Variants in PIGS observed in about 807,000 individuals in gnomAD.
The protein encoded by PIGS is GPI-anchor transamidase component PIGS.
A neutral mutation model predicts 58.2 loss-of-function variants in PIGS; 37 were observed. The observed-to-expected ratio is 0.64, with a 90% CI of 0.49 to 0.84. The LOEUF is 0.84. PIGS is among the 40% of genes least tolerant of loss of function. The pLI is 0.00. For synonymous variants in PIGS, 269 were observed against 289.2 expected (o/e 0.93, Z 0.71); for missense variants, 629 against 710.8 (o/e 0.88, Z 1.31).
chr17:28,555,045 C>T lies in PIGS; in HGVS notation c.1198G>A (p.Ala400Thr). Residue 400 changes from alanine (A) to threonine (T), a missense_variant, in exon 11 of 12, where the codon GCT becomes ACT. Transcript: ENST00000308360. ...LAQLRLLFGI[A>T]QPQLPPKCLL... ...CATTTTGGAGGCAGCTGGGGCTGAG[C>T]AATCCCAAAGAGCAACCTGTAGGAA... is the stretch of plus-strand genomic sequence containing the variant. 6.2e-7 allele frequency: 1 copy of T among 1,612,580 alleles called. No individual in the cohort carries two copies. Among genetic ancestry groups the T allele is most frequent in the South Asian group, 1.1e-5 (1 of 90,864 alleles).
chr17:28,562,760 G>A (rs1430008748), intron 5 of PIGS, among the ~76,000 whole-genome samples: 1 of 151,682 alleles, frequency 6.6e-6, no homozygotes, highest in Non-Finnish European at 1.5e-5. Flanking sequence ...GTAGAGATGG[G>A]GAGTGCAATG....
intron 3 of PIGS, among the ~76,000 whole-genome samples, chr17:28,567,091 T>C (rs1290608851): frequency 6.6e-6 from 1 of 152,202 alleles, no homozygotes; most frequent in Non-Finnish European, 1.5e-5. Flanking sequence ...CATGATCAAA[T>C]AGATGCTAAA....
At chr17:28,557,368 A>C in intron 8 of PIGS, 2 of 203,088 alleles carry the variant, frequency 9.8e-6, no homozygotes, top group South Asian at 1.5e-4. Flanking sequence ...TAAAGTTCAA[A>C]CTCCTTAACA....
rs767184987 is a variant in PIGS, at chr17:28,571,160, G to A, written c.63C>T (p.Leu21=). The change falls in exon 2 of 12, where the codon CTC becomes CTT. Residue 21 remains leucine, a synonymous_variant. Transcript: ENST00000308360. The part of the protein sequence containing the change: ...LEVARGKRAA[L]FFAAVAIVLG... The stretch of plus-strand genomic sequence containing the variant: ...GCACGATGGCCACCGCAGCGAAGAA[G>A]AGGGCGGCGCGCTTGCCCCGGGCCA... 3 of 1,613,452 alleles carry A rather than the reference G, an allele frequency of 1.9e-6. No individual in the cohort carries two copies. In the African/African-American group the frequency reaches 4.0e-5, roughly 22 times the overall value.
At chr17:28,570,793 C>T (rs2070422226) in intron 3 of PIGS, 59 bp downstream of exon 3, 1 of 1,550,808 alleles carries the variant, frequency 6.4e-7, no homozygotes, top group Non-Finnish European at 8.9e-7. Flanking sequence ...TCCTCCCACC[C>T]AACTCAGCTC....
At chr17:28,557,417 T>C (rs2151512017) in intron 8 of PIGS, 1 of 180,842 alleles carries the variant, frequency 5.5e-6, no homozygotes, top group South Asian at 1.2e-4. Flanking sequence ...CCTAACCGGC[T>C]TCATCTTTGG....
intron 3 of PIGS, among the ~76,000 whole-genome samples, chr17:28,564,170 T>A (rs1300722973): frequency 6.6e-6 from 1 of 152,240 alleles, no homozygotes; most frequent in Non-Finnish European, 1.5e-5. Flanking sequence ...CTGGGAAATC[T>A]ATTTCAATAG....
chr17:28,556,463 G>A (rs979397556), intron 9 of PIGS, 197 bp from the exon 10 acceptor site: 2 of 709,950 alleles, frequency 2.8e-6, no homozygotes, highest in Non-Finnish European at 2.6e-6. Context: ...TGAAAGTCCT[G>A]TAGAACATAT....
At chr17:28,560,220 AGGCTCTTGT>A in intron 6 of PIGS, 29 bp from the exon 7 acceptor site, 2 of 1,604,516 alleles carry the variant, frequency 1.2e-6, no homozygotes, top group Non-Finnish European at 1.7e-6. Flanking sequence ...GGGAAGTCAG[AGGCTCTTGT>A]GGATCAAAGA....
At chr17:28,563,371 G>T in intron 5 of PIGS, 60 bp downstream of exon 5, 2 of 1,341,800 alleles carry the variant, frequency 1.5e-6, no homozygotes, top group South Asian at 1.2e-5. Flanking sequence ...AGAAGGAGGT[G>T]ACCCAGGAGT....
rs565538383 is a variant in PIGS at position 28,558,097 on chromosome 17, G to A, written c.934+379C>T. 1.5e-4 allele frequency among the ~76,000 whole-genome samples: 23 copies of A among 152,278 alleles called. No individual in the cohort carries two copies. In the South Asian group the frequency reaches 4.8e-3, roughly 32 times the overall value. ...CTGGGGTGGGAAGATCACTTGAGGG[G>A]AGTTCAAGACCAGCATGGGCAACAT... is the stretch of plus-strand genomic sequence containing the variant. On this transcript the variant is annotated intron_variant, in intron 8 of 11. Transcript: ENST00000308360.
intron 7 of PIGS, among the ~76,000 whole-genome samples, chr17:28,559,265 G>A (rs993073548): frequency 2.6e-5 from 4 of 151,818 alleles, no homozygotes; most frequent in Non-Finnish European, 4.4e-5. Context: ...GTGAGCCGCC[G>A]CACCTGGCCC....
rs749803843 is a variant in PIGS, at chr17:28,554,450, C to A, written c.1438G>T (p.Ala480Ser). ...AAVQKSAEEL[A>S]SGHLASAFVA... ...AAGGCAGATGCCAGGTGCCCAGACG[C>A]CAACTCTTCTGCCGACTTCTGGACG... The change falls in exon 12 of 12, where the codon GCG becomes TCG. Residue 480 changes from alanine to serine, a missense_variant. Transcript: ENST00000308360. 16 of 1,614,136 alleles carry A rather than the reference C, an allele frequency of 9.9e-6. No homozygotes were observed. Among genetic ancestry groups the A allele is most frequent in the Non-Finnish European group, 1.4e-5 (16 of 1,180,040 alleles).
chr17:28,561,450 C>G lies in PIGS; in HGVS notation c.648G>C (p.Glu216Asp). ...DHLPEDKWSA[E>D]KRRPLKSSLG... ...AGCTGGACTTGAGAGGCCGCCTCTTCTCAGCGCTCCACTTGTCCTCTGGAA... is the reference window on the plus strand; with the variant it reads ...AGCTGGACTTGAGAGGCCGCCTCTTGTCAGCGCTCCACTTGTCCTCTGGAA... The change falls in exon 6 of 12, where the codon GAG becomes GAC. Residue 216 changes from glutamate (E) to aspartate (D), a missense_variant. Transcript: ENST00000308360. The G allele has an allele frequency of 6.2e-7, 1 of 1,614,020 alleles. No homozygotes were observed. Among genetic ancestry groups the G allele is most frequent in the South Asian group, 1.1e-5 (1 of 91,072 alleles).
intron 3 of PIGS, among the ~76,000 whole-genome samples, chr17:28,569,263 C>T (rs936728717): frequency 6.6e-6 from 1 of 151,536 alleles, no homozygotes; most frequent in South Asian, 2.1e-4. Flanking sequence ...CCCAGGAGCT[C>T]GAGACCAGCC....
chr17:28,560,297 T>C, intron 6 of PIGS, 106 bp from the exon 7 acceptor site: 2 of 1,361,040 alleles, frequency 1.5e-6, no homozygotes, highest in South Asian at 1.3e-5. Flanking sequence ...GGAATGGGGC[T>C]GCTTTCCATC....
Position 28,561,434 on chromosome 17 carries a change from TGA to T in PIGS, c.662_663del (p.Leu221GlnfsTer7), listed in dbSNP as rs924049582. ...DKWSAEKRRP[L>X]KSSLGYEITF... ...CCTGGTGCCCTACCCAAGCTGGACT[TGA>T]GAGGCCGCCTCTTCTCAGCGCTCCA... On this transcript the variant is annotated frameshift_variant, in exon 6 of 12. Transcript: ENST00000308360. LOFTEE classifies it high-confidence loss of function. 1.2e-6 allele frequency: 2 copies of T among 1,613,836 alleles called. No individual in the cohort carries two copies. Among genetic ancestry groups the T allele is most frequent in the Non-Finnish European group, 1.7e-6 (2 of 1,179,908 alleles).
At chr17:28,556,289 CACA>C (rs777827253) in intron 9 of PIGS, 23 bp from the exon 10 acceptor site, 124 of 1,543,722 alleles carry the variant, frequency 8.0e-5, no homozygotes, top group Middle Eastern at 3.4e-4. Flanking sequence ...ATGAGATTGC[CACA>C]ACATCATACC....
intron 3 of PIGS, 128 bp downstream of exon 3, chr17:28,570,724 T>G (rs2070421814): frequency 1.2e-6 from 1 of 837,502 alleles, no homozygotes; most frequent in Admixed American, 2.5e-5. Flanking sequence ...CCAAACACAC[T>G]GTTCATTCAG....
Sources: allele counts gnomAD v4.1 joint callset (sites outside exome capture counted in the v4.1 genomes callset), GRCh38; gene constraint gnomAD v4.1.1; transcripts MANE v1.5; gene names NCBI Gene and HGNC (gene_info 2026-07-23, HGNC 2026-07-21).